Variants in BCOR observed in about 807,000 individuals in gnomAD.
BCOR encodes BCL-6 corepressor.
Under a neutral mutation model 86.7 loss-of-function variants are expected in BCOR, and 10 were observed. The observed-to-expected ratio is 0.12, with a 90% CI of 0.07 to 0.20. The LOEUF (loss-of-function observed/expected upper bound fraction) is 0.20, where lower values mean the gene tolerates loss of function less well. Among genes scored for constraint, BCOR ranks in the 10% least tolerant of loss-of-function variants. BCOR has a pLI of 1.00. For synonymous variants in BCOR, 611 were observed against 609.0 expected (o/e 1.00, Z -0.05); for missense variants, 1,259 against 1,452.1 (o/e 0.87, Z 2.16).
intron 6 of BCOR, among the ~76,000 whole-genome samples, chrX:40,066,866 A>C (rs1435935570): frequency 9.4e-6 from 1 of 106,260 alleles, no homozygotes; most frequent in Non-Finnish European, 1.9e-5. Flanking sequence ...CAGCTTAGCC[A>C]GTGTGGGGCC....
chrX:40,054,499 CTTTT>C (rs147324206), intron 12 of BCOR, among the ~76,000 whole-genome samples, 166 bp from the exon 13 acceptor site: 2 of 98,881 alleles, frequency 2.0e-5, no homozygotes. Flanking sequence ...TTATGTATCT[CTTTT>C]TTTTTTTTTT....
intron 1 of BCOR, among the ~76,000 whole-genome samples, chrX:40,149,025 T>G (rs887943522): frequency 7.2e-5 from 8 of 110,430 alleles, no homozygotes; most frequent in African/African-American, 2.6e-4. Flanking sequence ...TCTGCCCGGG[T>G]CTCACACAAC....
chrX:40,170,609 A>C (rs1016261695), intron 1 of BCOR, among the ~76,000 whole-genome samples: 6 of 111,248 alleles, frequency 5.4e-5, no homozygotes, highest in African/African-American at 2.0e-4. Context: ...TCGCCTCCCA[A>C]AGTGCTAGGA....
At position 40,073,468 on chromosome X, in the gene BCOR, G is replaced by A; in HGVS notation, c.1878C>T (p.Phe626=). ...GAKASNPEPS[F]KANENGLPPS... The stretch of plus-strand genomic sequence containing the variant: ...GTGGAAGGCCGTTCTCGTTTGCTTT[G>A]AAACTCGGTTCTGGGTTGCTGGCTT... Residue 626 remains phenylalanine, a synonymous_variant, in exon 4 of 15, where the codon TTC becomes TTT. Coordinates refer to ENST00000378444, the MANE Select transcript of BCOR (RefSeq NM_001123385.2). 6 of 1,212,388 alleles carry A rather than the reference G, an allele frequency of 4.9e-6. No homozygotes were observed. Among genetic ancestry groups the A allele is most frequent in the Non-Finnish European group, 6.7e-6 (6 of 895,670 alleles).
At chrX:40,104,229 C>A (rs759911735) in intron 1 of BCOR, among the ~76,000 whole-genome samples, 31 of 111,731 alleles carry the variant, frequency 2.8e-4, no homozygotes, top group African/African-American at 9.4e-4. Context: ...TGCCTTCAAA[C>A]TAAACAGGTA....
intron 1 of BCOR, among the ~76,000 whole-genome samples, chrX:40,096,315 C>G (rs1936865648): frequency 9.0e-6 from 1 of 111,690 alleles, no homozygotes; most frequent in Non-Finnish European, 1.9e-5. Flanking sequence ...GACGCTGCCC[C>G]CGCACAAGCA....
intron 6 of BCOR, among the ~76,000 whole-genome samples, chrX:40,068,676 C>G (rs1935317638): frequency 1.8e-5 from 2 of 112,613 alleles, no homozygotes; most frequent in African/African-American, 6.5e-5. Flanking sequence ...AGGAAGGGCC[C>G]AACACCTCCG....
intron 1 of BCOR, among the ~76,000 whole-genome samples, chrX:40,175,703 C>T (rs1569204813): frequency 8.9e-6 from 1 of 112,868 alleles, no homozygotes; most frequent in Non-Finnish European, 1.9e-5. Flanking sequence ...AACTGGGGTG[C>T]AGCGTCTGGG....
At chrX:40,145,654 C>T (rs1938032320) in intron 1 of BCOR, among the ~76,000 whole-genome samples, 1 of 111,736 alleles carries the variant, frequency 8.9e-6, no homozygotes, top group Non-Finnish European at 1.9e-5. Context: ...GGGTGGGGGT[C>T]TCCTGGAGAG....
intron 1 of BCOR, among the ~76,000 whole-genome samples, chrX:40,092,111 T>A (rs923742738): frequency 9.0e-6 from 1 of 110,730 alleles, no homozygotes; most frequent in Admixed American, 9.3e-5. Context: ...CCCAGGAAGT[T>A]CCCCGCCCCG....
At chrX:40,085,818 C>G (rs1192121698) in intron 1 of BCOR, among the ~76,000 whole-genome samples, 1 of 111,643 alleles carries the variant, frequency 9.0e-6, no homozygotes, top group East Asian at 2.8e-4. Context: ...CTTGGCCATC[C>G]TAAGTCCACC....
At chrX:40,086,054 C>T (rs771273856) in intron 1 of BCOR, among the ~76,000 whole-genome samples, 21 of 112,022 alleles carry the variant, frequency 1.9e-4, no homozygotes, top group Admixed American at 9.4e-5. Context: ...CAAATGTGCT[C>T]TTGAAAACGG....
At chrX:40,119,347 A>G in intron 1 of BCOR, among the ~76,000 whole-genome samples, 1 of 104,791 alleles carries the variant, frequency 9.5e-6, no homozygotes, top group Non-Finnish European at 1.9e-5. Flanking sequence ...GTCAAGTTTT[A>G]AAGTGGGCAA....
chrX:40,154,552 T>TC (rs1473836348), intron 1 of BCOR, among the ~76,000 whole-genome samples: 1 of 107,480 alleles, frequency 9.3e-6, no homozygotes, highest in Non-Finnish European at 1.9e-5. Context: ...GTCACCAGCC[T>TC]CCCCTCCCCC....
chrX:40,115,329 C>A (rs189674724), intron 1 of BCOR, among the ~76,000 whole-genome samples: 25 of 112,431 alleles, frequency 2.2e-4, no homozygotes, highest in African/African-American at 7.1e-4. Context: ...TGGGCCCATC[C>A]TGGCAACTCG....
chrX:40,125,605 A>T (rs2147887262), intron 1 of BCOR, among the ~76,000 whole-genome samples: 1 of 111,617 alleles, frequency 9.0e-6, no homozygotes, highest in Non-Finnish European at 1.9e-5. Context: ...CACCATGGAA[A>T]TGTATCATCC....
rs373730020 is a variant in BCOR, at chrX:40,064,389, T to C, written c.3449A>G (p.Glu1150Gly). ...GDSSHTETTA[E>G]EVPEDPLLKA... The stretch of plus-strand genomic sequence containing the variant: ...CAGCAGAGGGTCCTCTGGCACCTCC[T>C]CCGCAGTGGTCTCAGTGTGGCTGCT... Residue 1150 changes from glutamate (E) to glycine (G), a missense_variant, in exon 7 of 15, where the codon GAG becomes GGG. Around this residue, in one of 7 missense-constraint regions of BCOR, gnomAD observed 305 missense variants for 286.1 expected, o/e 1.07. Transcript: ENST00000378444. 105 of 1,211,166 alleles carry C rather than the reference T, an allele frequency of 8.7e-5. No homozygotes were observed. The highest frequency in any genetic ancestry group is 1.2e-4 in the Non-Finnish European group (104 of 895,383).
At position 40,124,039 on chromosome X, in the gene BCOR, A is replaced by G. The variant is rs144014988; in HGVS notation, c.-40-46070T>C. 7.7e-3 allele frequency among the ~76,000 whole-genome samples: 854 copies of G among 111,412 alleles called. 11 individuals are homozygous for G. Among genetic ancestry groups the G allele is most frequent in the African/African-American group, 0.027 (821 of 30,646 alleles). On this transcript the variant is annotated intron_variant, in intron 1 of 14. Transcript: ENST00000342274. ...GAGAATGAGCACCAGAGAAGCTGAT[A>G]GGAGAAACCTTCAGAATCCCCACTG... is the stretch of plus-strand genomic sequence containing the variant.
In BCOR at chrX:40,055,533, A is replaced by C. The variant is rs754888672; in HGVS notation, c.4596-20T>G. 8.3e-7 allele frequency: 1 copy of C among 1,210,423 alleles called. No homozygotes were observed. Among genetic ancestry groups the C allele is most frequent in the Admixed American group, 2.2e-5 (1 of 45,984 alleles). On this transcript the variant is annotated intron_variant, in intron 11 of 14. Transcript: ENST00000378444. The stretch of plus-strand genomic sequence containing the variant: ...AGAGGCCTAGGAAGAGAGGCGCAAT[A>C]GAATTATGCTCATGCAAGCCACACT...
Sources: gnomAD v4.1 joint callset for allele counts (sites outside exome capture counted in the v4.1 genomes callset) on GRCh38, gnomAD v4.1.1 for gene constraint, gnomAD v4.1.1 regional missense constraint, MANE v1.5 for transcripts, NCBI Gene and HGNC (gene_info 2026-07-23, HGNC 2026-07-21) for gene names.